MBD5: variants seen among roughly 807,000 people sequenced by gnomAD.
MBD5 encodes methyl-CpG binding domain protein 5, also known as methyl-CpG-binding domain protein 5.
In MBD5, 13 loss-of-function variants were observed where a neutral mutation model predicts 117.3. That is an observed-to-expected ratio of 0.11 (90% CI 0.07 to 0.18). MBD5 has a LOEUF of 0.18. Ranked by LOEUF, MBD5 falls within the 10% of genes least tolerant of loss-of-function variation. The pLI, the probability that MBD5 is intolerant of heterozygous loss-of-function variation, is 1.00. For missense variants in MBD5, 1,879 were observed against 2,093.8 expected (o/e 0.90, Z 2.00); for synonymous variants, 727 against 766.4 (o/e 0.95, Z 0.85).
At chr2:148,096,393 C>A (rs1297939334) in intron 1 of MBD5, among the ~76,000 whole-genome samples, 1 of 119,782 alleles carries the variant, frequency 8.3e-6, no homozygotes, top group Non-Finnish European at 1.8e-5. Flanking sequence ...GGACAGCTCT[C>A]AATAACAAAA....
At chr2:148,440,445 G>T (rs968879877) in intron 4 of MBD5, among the ~76,000 whole-genome samples, 1 of 152,156 alleles carries the variant, frequency 6.6e-6, no homozygotes, top group African/African-American at 2.4e-5. Flanking sequence ...AAGAAAAGTA[G>T]ATTCTATTCG....
chr2:148,148,103 A>G (rs918032539), intron 1 of MBD5, among the ~76,000 whole-genome samples: 3 of 152,170 alleles, frequency 2.0e-5, no homozygotes, highest in African/African-American at 7.2e-5. Flanking sequence ...GTTGCCACTG[A>G]TTATTTTTGA....
At chr2:148,332,464 T>G (rs1011395877) in intron 3 of MBD5, among the ~76,000 whole-genome samples, 1 of 152,202 alleles carries the variant, frequency 6.6e-6, no homozygotes, top group African/African-American at 2.4e-5. Context: ...GCCCCTGTTT[T>G]GAGTTGGATC....
chr2:148,121,636 T>C (rs1374641816), intron 1 of MBD5, among the ~76,000 whole-genome samples: 1 of 152,128 alleles, frequency 6.6e-6, no homozygotes, highest in African/African-American at 2.4e-5. Context: ...TAAAAAGCCA[T>C]GCAACATGTC....
rs146096552 is a variant in MBD5 at position 148,489,556 on chromosome 2, C to T, written c.3924C>T (p.Leu1308=). ...TTGGTCAACAGGTGAAGGATGGCCT[C>T]GTTGTGGGTGGCCCAGGTGATGCTT... ...PSLGQQVKDG[L]VVGGPGDASV... is the part of the protein sequence containing the mutation. Residue 1308 remains leucine (L), a synonymous_variant, in exon 11 of 14, where the codon CTC becomes CTT. Coordinates refer to ENST00000642680, the MANE Select transcript of MBD5 (RefSeq NM_001378120.1). The T allele has an allele frequency of 3.7e-5, 59 of 1,614,052 alleles. No individual in the cohort carries two copies. Among genetic ancestry groups the T allele is most frequent in the Non-Finnish European group, 4.7e-5 (55 of 1,180,040 alleles).
chr2:148,196,082 G>C (rs189977585), intron 2 of MBD5: 3 of 152,204 alleles, frequency 2.0e-5, no homozygotes, highest in African/African-American at 7.2e-5. Context: ...TCTTTGCACA[G>C]GTATCATTGG....
intron 1 of MBD5, among the ~76,000 whole-genome samples, chr2:148,146,130 C>T (rs1051516694): frequency 1.3e-5 from 2 of 152,086 alleles, no homozygotes; most frequent in Non-Finnish European, 2.9e-5. Flanking sequence ...AGTTAATGCC[C>T]AATTTATTTT....
intron 1 of MBD5, among the ~76,000 whole-genome samples, chr2:148,150,685 T>A (rs1462336027): frequency 6.6e-6 from 1 of 152,046 alleles, no homozygotes; most frequent in Non-Finnish European, 1.5e-5. Flanking sequence ...TCCTAGGTAT[T>A]TTATTCTCTT....
intron 4 of MBD5, among the ~76,000 whole-genome samples, chr2:148,410,175 C>G (rs1000207169): frequency 2.6e-5 from 4 of 152,148 alleles, no homozygotes; most frequent in Non-Finnish European, 4.4e-5. Flanking sequence ...TATAACACTA[C>G]TTTTCCATGT....
intron 1 of MBD5, among the ~76,000 whole-genome samples, chr2:148,084,218 T>G (rs1276901193): frequency 5.9e-5 from 9 of 152,212 alleles, no homozygotes; most frequent in African/African-American, 2.2e-4. Flanking sequence ...TTTTCCATGC[T>G]TCTGTTCTCC....
At chr2:148,053,612 T>A (rs1319598947) in intron 1 of MBD5, among the ~76,000 whole-genome samples, 1 of 152,084 alleles carries the variant, frequency 6.6e-6, no homozygotes, top group Non-Finnish European at 1.5e-5. Context: ...TTGGCCTGGT[T>A]ATAAAATTTA....
intron 1 of MBD5, among the ~76,000 whole-genome samples, chr2:148,056,670 G>T (rs1235275284): frequency 6.6e-6 from 1 of 151,868 alleles, no homozygotes; most frequent in Non-Finnish European, 1.5e-5. Context: ...TATACTTTCT[G>T]GATTAGTTTA....
intron 4 of MBD5, among the ~76,000 whole-genome samples, chr2:148,365,058 C>T (rs1703657237): frequency 6.6e-6 from 1 of 152,212 alleles, no homozygotes; most frequent in South Asian, 2.1e-4. Context: ...CCACATCACA[C>T]TTATTCTAAA....
chr2:148,272,180 A>G (rs978548955), intron 3 of MBD5, among the ~76,000 whole-genome samples: 14 of 152,128 alleles, frequency 9.2e-5, no homozygotes, highest in African/African-American at 2.9e-4. Flanking sequence ...TTCTTTACCT[A>G]TTCATCTGCT....
intron 2 of MBD5, among the ~76,000 whole-genome samples, chr2:148,213,508 C>T (rs1318765325): frequency 6.6e-6 from 1 of 152,126 alleles, no homozygotes; most frequent in African/African-American, 2.4e-5. Flanking sequence ...CAGTATTTGA[C>T]TTTGAGGCCA....
At chr2:148,494,728 G>A (rs950993762) in intron 11 of MBD5, among the ~76,000 whole-genome samples, 12 of 152,148 alleles carry the variant, frequency 7.9e-5, no homozygotes, top group Admixed American at 6.5e-5. Context: ...TTGGGAGGCC[G>A]AGGCGGGCAG....
At chr2:148,388,084 A>G (rs952300221) in intron 4 of MBD5, among the ~76,000 whole-genome samples, 2 of 152,338 alleles carry the variant, frequency 1.3e-5, no homozygotes, top group Non-Finnish European at 2.9e-5. Context: ...GTAAAGCTGT[A>G]AGATTTAAGA....
At chr2:148,341,687 A>G (rs965456449) in intron 3 of MBD5, among the ~76,000 whole-genome samples, 9 of 152,086 alleles carry the variant, frequency 5.9e-5, no homozygotes, top group Non-Finnish European at 1.0e-4. Context: ...TAGAAAGAGT[A>G]GGTTTGAAGT....
chr2:148,432,361 G>A (rs1012143995), intron 4 of MBD5, among the ~76,000 whole-genome samples: 2 of 151,948 alleles, frequency 1.3e-5, no homozygotes, highest in Non-Finnish European at 2.9e-5. Context: ...GCAGAAGCTC[G>A]TTAGTTTAAT....
Sources: gnomAD v4.1 joint callset for allele counts (sites outside exome capture counted in the v4.1 genomes callset) on GRCh38, gnomAD v4.1.1 for gene constraint, MANE v1.5 for transcripts, NCBI Gene and HGNC (gene_info 2026-07-23, HGNC 2026-07-21) for gene names.